Variants in USP20 observed in about 807,000 individuals in gnomAD.
USP20 encodes the protein ubiquitin specific peptidase 20.
In USP20, 80 loss-of-function variants were observed where a neutral mutation model predicts 124.2. The observed-to-expected ratio is 0.64, with a 90% CI of 0.54 to 0.78. USP20 has a LOEUF of 0.78. Ranked by LOEUF, USP20 falls within the 30% of genes least tolerant of loss-of-function variation. The pLI, the probability that USP20 is intolerant of heterozygous loss-of-function variation, is 0.00. For synonymous variants in USP20, 481 were observed against 512.3 expected, an observed-to-expected ratio of 0.94 and a Z score of 0.83; for missense variants, 1,043 against 1,244.4, an observed-to-expected ratio of 0.84 and a Z score of 2.44.
intron 1 of USP20, among the ~76,000 whole-genome samples, chr9:129,837,726 G>A (rs1385881358): frequency 2.0e-5 from 3 of 152,324 alleles, no homozygotes; most frequent in South Asian, 4.1e-4. Context: ...GCAAGGTTGA[G>A]TTGCAAATTA....
chr9:129,854,479 C>T (rs1339098121), intron 3 of USP20, among the ~76,000 whole-genome samples: 4 of 152,094 alleles, frequency 2.6e-5, no homozygotes, highest in African/African-American at 9.7e-5. Flanking sequence ...ATATGTATTG[C>T]ATGATCTTAT....
rs1467912312 is a variant in USP20, at chr9:129,839,664, C to T, written c.-129+4165C>T. Among the ~76,000 whole-genome samples the T allele has an allele frequency of 1.3e-5, 2 of 151,966 alleles. No individual in the cohort carries two copies. Among genetic ancestry groups the T allele is most frequent in the South Asian group, 2.1e-4 (1 of 4,828 alleles). On this transcript the variant is annotated intron_variant, in intron 1 of 25. Transcript: ENST00000372429. This position sits in a 1 kb window ranked among gnomAD's most constrained non-coding sequence, Gnocchi z 4.5. The stretch of plus-strand genomic sequence containing the variant: ...AGATGGCTAATGTGGTTGGGGTCAG[C>T]GTGGGCAGGGCTGTGGGCATCGTTG...
chr9:129,848,687 C>T (rs2032730016), intron 1 of USP20, among the ~76,000 whole-genome samples: 1 of 151,900 alleles, frequency 6.6e-6, no homozygotes, highest in Non-Finnish European at 1.5e-5. Flanking sequence ...TTATAACCTG[C>T]CCACTCCCTC....
At chr9:129,863,732 CTG>C (rs1174081133) in intron 9 of USP20, among the ~76,000 whole-genome samples, 1 of 152,186 alleles carries the variant, frequency 6.6e-6, no homozygotes, top group African/African-American at 2.4e-5. Flanking sequence ...GTGATTAGAT[CTG>C]TTTCTCCAGG....
chr9:129,838,031 C>T (rs939003789), intron 1 of USP20, among the ~76,000 whole-genome samples: 2 of 149,510 alleles, frequency 1.3e-5, no homozygotes, highest in Admixed American at 6.8e-5. Context: ...AAGCCATGCA[C>T]GTTGACAACA....
At chr9:129,844,572 C>T (rs946989548) in intron 1 of USP20, among the ~76,000 whole-genome samples, 8 of 139,424 alleles carry the variant, frequency 5.7e-5, no homozygotes, top group African/African-American at 8.0e-5. Context: ...TGTGTTCAGT[C>T]GAGATCGCAC....
intron 21 of USP20, 45 bp from the exon 22 acceptor site, chr9:129,876,085 G>A (rs758054423): frequency 6.5e-7 from 1 of 1,543,098 alleles, no homozygotes; most frequent in South Asian, 1.2e-5. Context: ...TCCCCTCCCT[G>A]GTACCCCGCT....
chr9:129,848,854 G>C (rs2032739538), intron 1 of USP20, among the ~76,000 whole-genome samples: 1 of 152,188 alleles, frequency 6.6e-6, no homozygotes, highest in African/African-American at 2.4e-5. Context: ...CAAGTGAGGA[G>C]GTTTGGAATT....
chr9:129,869,148 C>T lies in USP20; in HGVS notation c.1276+146C>T, dbSNP rs576151505. The T allele has an allele frequency of 5.1e-5, 71 of 1,385,834 alleles. No homozygotes were observed. In the Admixed American group the frequency reaches 1.2e-3, roughly 24 times the overall value. 85.8% of individuals were successfully genotyped at this position (1,385,834 alleles called of 1,614,324 possible). On this transcript the variant is annotated intron_variant, in intron 12 of 25. Coordinates refer to ENST00000372429, the MANE Select transcript of USP20 (RefSeq NM_001110303.4). ...CCCTGAGACACCAGTGTGGGAGCCA[C>T]GTTTTGCAGAGGATGACACAGAGGC... is the stretch of plus-strand genomic sequence containing the variant.
intron 6 of USP20, among the ~76,000 whole-genome samples, 175 bp downstream of exon 6, chr9:129,858,773 C>G (rs540557935): frequency 2.9e-4 from 44 of 152,264 alleles, no homozygotes; most frequent in Admixed American, 7.8e-4. Context: ...TCACTGAGCC[C>G]AACTCTGTGC....
chr9:129,874,442 C>G, intron 17 of USP20, 134 bp from the exon 18 acceptor site: 2 of 1,187,704 alleles, frequency 1.7e-6, no homozygotes, highest in South Asian at 1.5e-5. Flanking sequence ...GTCTGGCCCC[C>G]ACGTGGAACT....
chr9:129,865,027 A>C (rs2033755518), intron 9 of USP20, among the ~76,000 whole-genome samples: 1 of 152,208 alleles, frequency 6.6e-6, no homozygotes, highest in African/African-American at 2.4e-5. Flanking sequence ...TTCAGAATGA[A>C]AACAAATCAT....
In USP20 at chr9:129,861,525, G is replaced by A. The variant is rs771408344; in HGVS notation, c.428-18G>A. 14 of 1,613,852 alleles carry A rather than the reference G, an allele frequency of 8.7e-6. No homozygotes were observed. The highest frequency in any genetic ancestry group is 4.5e-5 in the East Asian group (2 of 44,878). ...GCAGGGTGCTCACCTGCTCCTCCCC[G>A]TTGTGTTTATTTCCCAGGCCTCACG... On this transcript the variant is annotated intron_variant, in intron 7 of 25. Coordinates refer to ENST00000372429, the MANE Select transcript of USP20 (RefSeq NM_001110303.4).
At chr9:129,841,632 A>G (rs1253562231) in intron 1 of USP20, among the ~76,000 whole-genome samples, 5 of 152,170 alleles carry the variant, frequency 3.3e-5, no homozygotes, top group African/African-American at 1.2e-4. Context: ...TGGTGGAGAA[A>G]GGGAACCTTC....
At chr9:129,841,892 C>T (rs2032238023) in intron 1 of USP20, among the ~76,000 whole-genome samples, 1 of 152,156 alleles carries the variant, frequency 6.6e-6, no homozygotes, top group African/African-American at 2.4e-5. Context: ...GCTGGTTGGC[C>T]TGCAGAGCCC....
chr9:129,841,208 C>T (rs774020594), intron 1 of USP20, among the ~76,000 whole-genome samples: 6 of 152,174 alleles, frequency 3.9e-5, no homozygotes, highest in East Asian at 1.9e-4. Flanking sequence ...ATCAAGGTGC[C>T]GACAGGTTTG....
chr9:129,857,931 C>T (rs1297340246), intron 4 of USP20, 119 bp from the exon 5 acceptor site: 6 of 847,536 alleles, frequency 7.1e-6, no homozygotes, highest in Non-Finnish European at 1.2e-5. Flanking sequence ...GAGCCTCAGT[C>T]CCTTGTGGCC....
rs140820435 is a variant in USP20, at chr9:129,857,520, G to A, written c.136-530G>A. Among the ~76,000 whole-genome samples, 174 of 152,324 alleles carry A rather than the reference G, an allele frequency of 1.1e-3. 1 individual carries two copies. The highest frequency in any genetic ancestry group is 8.9e-3 in the East Asian group (46 of 5,180). On this transcript the variant is annotated intron_variant, in intron 4 of 25. Transcript: ENST00000372429. ...GAGGATGGGTAGATTTGGGATAGGA[G>A]AGTGCGAGGGCAAAGGCAGTGTCAT...
intron 9 of USP20, among the ~76,000 whole-genome samples, chr9:129,863,608 A>G (rs1387801683): frequency 6.6e-6 from 1 of 152,352 alleles, no homozygotes; most frequent in African/African-American, 2.4e-5. Flanking sequence ...GCCAAGAGAC[A>G]TGGTGACCCG....
Sources: allele counts gnomAD v4.1 joint callset (sites outside exome capture counted in the v4.1 genomes callset), GRCh38; gene constraint gnomAD v4.1.1; non-coding constraint Gnocchi (gnomAD v3.1); transcripts MANE v1.5; gene names NCBI Gene and HGNC (gene_info 2026-07-23, HGNC 2026-07-21).